The following ZXDC variants were observed in gnomAD, a reference collection of about 807,000 sequenced individuals.
ZXDC encodes ZXD family zinc finger C.
A neutral mutation model predicts 63.6 loss-of-function variants in ZXDC; 58 were observed. That is an observed-to-expected ratio of 0.91 (90% confidence interval 0.74 to 1.13). The LOEUF (loss-of-function observed/expected upper bound fraction) is 1.13. Among genes scored for constraint, ZXDC ranks in the 50% most tolerant of loss-of-function variants. The probability of loss-of-function intolerance (pLI) is 0.00; values close to 1 mark genes in which losing one functional copy is unlikely to be tolerated. For missense variants in ZXDC, 1,133 were observed against 1,148.9 expected (o/e 0.99, Z 0.20); for synonymous variants, 561 against 496.1 (o/e 1.13, Z -1.74).
At chr3:126,457,270 G>A (rs1317685338) in intron 7 of ZXDC, 1 of 985,256 alleles carries the variant, frequency 1.0e-6, no homozygotes, top group Non-Finnish European at 1.2e-6. Flanking sequence ...AGGGGAGGCG[G>A]GCAAAGGCAT....
chr3:126,462,542 T>C (rs1054989446), intron 5 of ZXDC, among the ~76,000 whole-genome samples: 10 of 152,190 alleles, frequency 6.6e-5, no homozygotes, highest in African/African-American at 2.4e-4. Flanking sequence ...TCAGGCCAAC[T>C]GGTAACAGCA....
At chr3:126,462,897 C>T (rs942339769) in intron 5 of ZXDC, among the ~76,000 whole-genome samples, 3 of 152,100 alleles carry the variant, frequency 2.0e-5, no homozygotes, top group African/African-American at 2.4e-5. Flanking sequence ...GCCCCCTAGA[C>T]GGAGCTTTTC....
chr3:126,468,231 T>G (rs1237165205), intron 4 of ZXDC, among the ~76,000 whole-genome samples: 1 of 151,992 alleles, frequency 6.6e-6, no homozygotes, highest in Non-Finnish European at 1.5e-5. Context: ...CCAGCACACA[T>G]AGCCCCGAGG....
chr3:126,463,664 T>G (rs887334808), intron 5 of ZXDC, among the ~76,000 whole-genome samples: 1 of 151,956 alleles, frequency 6.6e-6, no homozygotes, highest in African/African-American at 2.4e-5. Flanking sequence ...ACGCTTTCCA[T>G]AGGACTGTCC....
rs1210059025 is a variant in ZXDC, at chr3:126,475,693, G to A, written c.173C>T (p.Ala58Val). 57 of 1,306,530 alleles carry A rather than the reference G, an allele frequency of 4.4e-5. No homozygotes were observed. The highest frequency in any genetic ancestry group is 5.5e-5 in the Non-Finnish European group (57 of 1,029,706). 80.9% of individuals were successfully genotyped at this position (1,306,530 alleles called of 1,614,324 possible). ...GGCGGGCGGCGGGCTTGGCCCGGAG[G>A]CCTCCCCGGGCCGCGCCCCGGGCCC... The part of the protein sequence containing the change: ...DGGPGARPGE[A>V]SGPSPPPAED... Residue 58 changes from alanine (A) to valine (V), a missense_variant, in exon 1 of 10, where the codon GCC becomes GTC. Physicochemically the swap from Ala to Val is moderately conservative, Grantham distance 64. Coordinates refer to ENST00000389709, the MANE Select transcript of ZXDC (RefSeq NM_025112.5).
At chr3:126,441,658 AG>A in intron 8 of ZXDC, 106 bp downstream of exon 8, 2 of 1,436,148 alleles carry the variant, frequency 1.4e-6, no homozygotes, top group Non-Finnish European at 1.8e-6. Context: ...GCAGGCAGGC[AG>A]GGGGTGCTGC....
Position 126,438,142 on chromosome 3 carries a change from T to C in ZXDC, c.*233A>G, listed in dbSNP as rs567018874. ...CACCTAGCCCTGCTGAGGGAGACCC[T>C]TGCCTTGCCAAAGCACTTTGCTCAC... On this transcript the variant is annotated 3_prime_UTR_variant, in exon 10 of 10. Transcript: ENST00000389709. 1.9e-4 allele frequency: 110 copies of C among 573,280 alleles called. No homozygotes were observed. Among genetic ancestry groups the C allele is most frequent in the Non-Finnish European group, 2.2e-4 (69 of 319,740 alleles). 35.5% of individuals were successfully genotyped at this position (573,280 alleles called of 1,614,324 possible). A position where few individuals can be genotyped will look rare whatever the true frequency, so the allele number is the denominator to read the frequency against.
intron 7 of ZXDC, chr3:126,453,121 C>A (rs1934171442): frequency 3.0e-6 from 3 of 985,302 alleles, no homozygotes; most frequent in South Asian, 4.7e-5. Context: ...AGGGGGAGAA[C>A]TGAGGAACTA....
In ZXDC at chr3:126,466,466, T is replaced by C. The variant is rs143091053; in HGVS notation, c.1271-141A>G. The C allele has an allele frequency of 5.9e-4, 497 of 843,326 alleles. 2 individuals carry two copies. In the African/African-American group the frequency reaches 6.5e-3, roughly 11 times the overall value. The allele number at this position is 843,326 out of a possible 1,614,324, so 52.2% of individuals were successfully genotyped here. On this transcript the variant is annotated intron_variant, in intron 4 of 9. Transcript: ENST00000389709. ...GGCAAGGACAGAGACCAAATATCTCTAGAAGTAGCATCACAAGCAATTCAA... is the reference window on the plus strand; with the variant it reads ...GGCAAGGACAGAGACCAAATATCTCCAGAAGTAGCATCACAAGCAATTCAA...
chr3:126,470,174 T>TTAA (rs1488778664), intron 4 of ZXDC, among the ~76,000 whole-genome samples: 2 of 152,158 alleles, frequency 1.3e-5, no homozygotes, highest in Non-Finnish European at 2.9e-5. Flanking sequence ...ACTATACCTT[T>TTAA]TAAAAAGTCA....
At chr3:126,471,452 C>A (rs1274251365) in intron 3 of ZXDC, among the ~76,000 whole-genome samples, 2 of 152,328 alleles carry the variant, frequency 1.3e-5, no homozygotes, top group African/African-American at 4.8e-5. Flanking sequence ...AAGACTGTGT[C>A]TTTTCCTAAG....
At position 126,472,415 on chromosome 3, in the gene ZXDC, A is replaced by C. The variant is rs1437905541; in HGVS notation, c.908-110T>G. 5 of 1,349,002 alleles carry C rather than the reference A, an allele frequency of 3.7e-6. No homozygotes were observed. In the East Asian group the frequency reaches 1.2e-4, roughly 32 times the overall value. 83.6% of individuals were successfully genotyped at this position (1,349,002 alleles called of 1,614,324 possible). On this transcript the variant is annotated intron_variant, in intron 1 of 9. Coordinates refer to ENST00000389709, the MANE Select transcript of ZXDC (RefSeq NM_025112.5). ...GTTCACACTGAAGCAGACAAGGGAA[A>C]ACATGACTCAGAAGCACTCTCTAAA...
chr3:126,441,831 C>T lies in ZXDC; in HGVS notation c.2328G>A (p.Arg776=), dbSNP rs1426840160. 1 of 1,613,526 alleles carries T rather than the reference C, an allele frequency of 6.2e-7. No homozygotes were observed. Among genetic ancestry groups the T allele is most frequent in the African/African-American group, 1.3e-5 (1 of 74,916 alleles). Residue 776 remains arginine, a synonymous_variant, in exon 8 of 10, where the codon CGG becomes CGA. Coordinates refer to ENST00000389709, the MANE Select transcript of ZXDC (RefSeq NM_025112.5). ...CGSLVVPSGG[R]PGPAPAAGVQ... is the part of the protein sequence containing the mutation. Reference sequence around the variant, plus strand: ...CCCCAGCTGCTGGAGCTGGTCCTGGCCGTCCTCCGCTGGGCACCACGAGGC... The same window carrying T: ...CCCCAGCTGCTGGAGCTGGTCCTGGTCGTCCTCCGCTGGGCACCACGAGGC...
In ZXDC at chr3:126,475,588, G is replaced by T; in HGVS notation, c.278C>A (p.Ser93Ter). 1 of 1,461,412 alleles carries T rather than the reference G, an allele frequency of 6.8e-7. No homozygotes were observed. Among genetic ancestry groups the T allele is most frequent in the Non-Finnish European group, 9.1e-7 (1 of 1,103,528 alleles). 90.5% of individuals were successfully genotyped at this position (1,461,412 alleles called of 1,614,324 possible). A position where few individuals can be genotyped will look rare whatever the true frequency, so the allele number is the denominator to read the frequency against. The change falls in exon 1 of 10, where the codon TCA becomes TAA. Residue 93 changes from serine to a stop codon, truncating the protein, a stop_gained. Coordinates refer to ENST00000389709, the MANE Select transcript of ZXDC (RefSeq NM_025112.5). LOFTEE classifies it high-confidence loss of function. ...HGGAAAEAAGSQEAEPGSRVN... is the reference protein window; with the variant it reads ...HGGAAAEAAG ...ACGGGAGCCAGGCTCGGCCTCCTGTGATCCGGCAGCCTCGGCGGCAGCGCC... is the reference window on the plus strand; with the variant it reads ...ACGGGAGCCAGGCTCGGCCTCCTGTTATCCGGCAGCCTCGGCGGCAGCGCC...
At chr3:126,474,062 CTT>C (rs796761643) in intron 1 of ZXDC, among the ~76,000 whole-genome samples, 2,959 of 129,822 alleles carry the variant, frequency 0.023, 60 homozygotes, top group South Asian at 0.13. Flanking sequence ...AGGCAGTGGA[CTT>C]TTTTTTTTTT....
In ZXDC at chr3:126,475,014, G is replaced by C; in HGVS notation, c.852C>G (p.Ser284Arg). The C allele has an allele frequency of 6.3e-7, 1 of 1,596,832 alleles. No homozygotes were observed. Among genetic ancestry groups the C allele is most frequent in the Non-Finnish European group, 8.5e-7 (1 of 1,172,436 alleles). ...GCTCGAAGTGGCTGCGCTGGTGGGA[G>C]CTGAGCTTGGCGTGCGTGGGGAAGC... ...AERFPTHAKL[S>R]SHQRSHFEPE... Residue 284 changes from serine to arginine, a missense_variant, in exon 1 of 10, where the codon AGC becomes AGG. By Grantham distance (110) the Ser-to-Arg change is moderately radical. Transcript: ENST00000389709.
chr3:126,441,398 G>A, intron 8 of ZXDC: 1 of 1,060,340 alleles, frequency 9.4e-7, no homozygotes, highest in Non-Finnish European at 1.1e-6. Context: ...CCCCAGCCCT[G>A]CAGAAGAAGG....
intron 1 of ZXDC, among the ~76,000 whole-genome samples, chr3:126,472,847 G>A (rs1396559932): frequency 6.6e-6 from 1 of 152,016 alleles, no homozygotes; most frequent in African/African-American, 2.4e-5. Flanking sequence ...ATTTCCTTAG[G>A]TTCCCTGCTT....
At chr3:126,438,542 G>A in intron 9 of ZXDC, 81 bp from the exon 10 acceptor site, 1 of 1,305,122 alleles carries the variant, frequency 7.7e-7, no homozygotes, top group Non-Finnish European at 1.1e-6. Flanking sequence ...GCAGGACACT[G>A]ACCAGGCCCG....
Sources: allele counts gnomAD v4.1 joint callset (sites outside exome capture counted in the v4.1 genomes callset), GRCh38; gene constraint gnomAD v4.1.1; transcripts MANE v1.5; gene names NCBI Gene and HGNC (gene_info 2026-07-23, HGNC 2026-07-21).